CACNA1H: variants seen among roughly 807,000 people sequenced by gnomAD.
The protein encoded by CACNA1H is calcium voltage-gated channel subunit alpha1 H.
CACNA1H carries 149 observed loss-of-function variants against 192.5 expected under a neutral mutation model. The ratio of observed to expected loss-of-function variants is 0.77; its 90% CI spans 0.68 to 0.89. CACNA1H has a LOEUF of 0.89. Ranked by LOEUF, CACNA1H falls within the 40% of genes least tolerant of loss-of-function variation. The probability of loss-of-function intolerance (pLI) is 0.00; values close to 1 mark genes in which losing one functional copy is unlikely to be tolerated. For synonymous variants in CACNA1H, 2,202 were observed against 1,475.2 expected, an observed-to-expected ratio of 1.49 and a Z score of -11.29; for missense variants, 4,257 against 3,423.5, an observed-to-expected ratio of 1.24 and a Z score of -6.08.
chr16:1,195,785 G>A (rs1311585460), intron 4 of CACNA1H, 141 bp from the exon 5 acceptor site: 15 of 869,818 alleles, frequency 1.7e-5, no homozygotes, highest in Non-Finnish European at 2.5e-5. Flanking sequence ...CTGCTACCTC[G>A]GGGCCCTTCC....
chr16:1,203,754 TG>T (rs1480757543), intron 9 of CACNA1H, among the ~76,000 whole-genome samples: 1 of 152,200 alleles, frequency 6.6e-6, no homozygotes, highest in Non-Finnish European at 1.5e-5. Context: ...CATGGCTCTT[TG>T]GTTTCTTCTT....
intron 2 of CACNA1H, among the ~76,000 whole-genome samples, chr16:1,178,085 C>T (rs1224616626): frequency 9.1e-6 from 1 of 110,378 alleles, no homozygotes; most frequent in East Asian, 3.6e-4. Flanking sequence ...ACTCTCCTGC[C>T]CCCTCTCCCT....
intron 17 of CACNA1H, 39 bp downstream of exon 17, chr16:1,209,451 CGTCT>C: frequency 6.3e-7 from 1 of 1,587,650 alleles, no homozygotes; most frequent in Non-Finnish European, 8.5e-7. Context: ...GACTCGCCTT[CGTCT>C]GTCTGGGGCA....
At chr16:1,200,615 G>T in intron 7 of CACNA1H, 44 bp downstream of exon 7, 2 of 1,605,516 alleles carry the variant, frequency 1.2e-6, no homozygotes, top group Non-Finnish European at 1.7e-6. Context: ...GGCACGGCAG[G>T]GGAGCGGGTG....
In CACNA1H at chr16:1,211,465, C is replaced by A; in HGVS notation, c.4351-16C>A. ...CACAGGCCAGGCCCTCCGCGGTGAC[C>A]GTCGCACCCCGTCAGCTCTTCAAAG... is the stretch of plus-strand genomic sequence containing the variant. On this transcript the variant is annotated splice_polypyrimidine_tract_variant and intron_variant, in intron 22 of 34. Coordinates refer to ENST00000348261, the MANE Select transcript of CACNA1H (RefSeq NM_021098.3). 1 of 1,612,300 alleles carries A rather than the reference C, an allele frequency of 6.2e-7. No individual in the cohort carries two copies. The highest frequency in any genetic ancestry group is 8.5e-7 in the Non-Finnish European group (1 of 1,179,618).
chr16:1,180,527 C>T lies in CACNA1H; in HGVS notation c.300-14445C>T, dbSNP rs567109812. On this transcript the variant is annotated intron_variant, in intron 2 of 34. Transcript: ENST00000348261. The surrounding 1 kb of genome is among the most constrained non-coding windows in gnomAD (Gnocchi z 4.4). ...TCCCCATACCCCCTCCGAGGCACAGCCACAGTCTCTGGGTCCTGAGCAGGG... is the reference window on the plus strand; with the variant it reads ...TCCCCATACCCCCTCCGAGGCACAGTCACAGTCTCTGGGTCCTGAGCAGGG... Among the ~76,000 whole-genome samples the T allele has an allele frequency of 1.4e-4, 21 of 152,258 alleles. No individual in the cohort carries two copies. Among genetic ancestry groups the T allele is most frequent in the African/African-American group, 4.8e-4 (20 of 41,550 alleles).
At chr16:1,195,839 T>G (rs1435741156) in intron 4 of CACNA1H, 87 bp from the exon 5 acceptor site, 17 of 1,100,332 alleles carry the variant, frequency 1.5e-5, no homozygotes, top group Non-Finnish European at 2.4e-5. Context: ...GCCGGTTCTA[T>G]GCCTGCCCAC....
chr16:1,212,527 A>C lies in CACNA1H; in HGVS notation c.4776A>C (p.Pro1592=). The C allele has an allele frequency of 6.2e-7, 1 of 1,610,880 alleles. No individual in the cohort carries two copies. The highest frequency in any genetic ancestry group is 1.1e-5 in the South Asian group (1 of 90,716). Residue 1592 remains proline (P), a splice_region_variant and synonymous_variant, in exon 26 of 35, where the codon CCA becomes CCC. Transcript: ENST00000348261. ...ERRRRSTFPS[P]EAQRRPYYAD... ...TCTTTCCAGGCACTTTCCCCAGCCC[A>C]GGTACCGGCCCTGTCCCGCATGCCT...
rs1040840877 is a variant in CACNA1H, at chr16:1,221,346, G to T, written c.*352G>T. The stretch of plus-strand genomic sequence containing the variant: ...ACCAGGTTGCGTCCTTTCAGGCCCC[G>T]CGTTGTTACAGGACACTCGCTGGGG... On this transcript the variant is annotated 3_prime_UTR_variant, in exon 35 of 35. Coordinates refer to ENST00000348261, the MANE Select transcript of CACNA1H (RefSeq NM_021098.3). 2.9e-6 allele frequency: 1 copy of T among 344,470 alleles called. No homozygotes were observed. The highest frequency in any genetic ancestry group is 5.3e-6 in the Non-Finnish European group (1 of 190,178). The allele number at this position is 344,470 out of a possible 1,614,324, so 21.3% of individuals were successfully genotyped here.
chr16:1,178,056 G>A (rs1159917658), intron 2 of CACNA1H, among the ~76,000 whole-genome samples: 1 of 11,976 alleles, frequency 8.4e-5, no homozygotes, highest in African/African-American at 4.7e-4. Context: ...CCCCCACCCC[G>A]GAACCCCCCC....
chr16:1,215,436 G>A (rs1407130591), intron 29 of CACNA1H, 61 bp downstream of exon 29: 5 of 1,584,256 alleles, frequency 3.2e-6, no homozygotes, highest in South Asian at 1.1e-5. Flanking sequence ...CTCAGCCATG[G>A]GTGGGAGTGA....
intron 2 of CACNA1H, among the ~76,000 whole-genome samples, chr16:1,184,809 C>T (rs569067401): frequency 9.8e-5 from 15 of 152,306 alleles, no homozygotes; most frequent in East Asian, 1.9e-4. Flanking sequence ...GGGGCTCCAG[C>T]GAAGGGAAGC....
chr16:1,177,042 G>A (rs1964958340), intron 2 of CACNA1H, among the ~76,000 whole-genome samples: 2 of 152,156 alleles, frequency 1.3e-5, no homozygotes, highest in South Asian at 4.1e-4. Flanking sequence ...CTTCCCCCAG[G>A]CCCTCCGCAC....
intron 30 of CACNA1H, among the ~76,000 whole-genome samples, chr16:1,216,021 ATCC>A (rs1383000741): frequency 1.3e-5 from 2 of 150,302 alleles, no homozygotes; most frequent in Non-Finnish European, 3.0e-5. Context: ...CCCTGCCCAG[ATCC>A]TTTCTGTCCT....
At chr16:1,187,307 C>G (rs778807567) in intron 2 of CACNA1H, among the ~76,000 whole-genome samples, 1 of 152,210 alleles carries the variant, frequency 6.6e-6, no homozygotes, top group Non-Finnish European at 1.5e-5. Flanking sequence ...AGGGGTTTGC[C>G]CAGCCAGGGG....
At chr16:1,212,681 C>T (rs939432406) in intron 26 of CACNA1H, among the ~76,000 whole-genome samples, 153 bp downstream of exon 26, 6 of 152,280 alleles carry the variant, frequency 3.9e-5, no homozygotes, top group African/African-American at 7.2e-5. Context: ...TGCGCTCGCC[C>T]GCCAGTGTCC....
chr16:1,182,404 G>A (rs1965565180), intron 2 of CACNA1H, among the ~76,000 whole-genome samples: 1 of 152,196 alleles, frequency 6.6e-6, no homozygotes, highest in Admixed American at 6.5e-5. Context: ...CCAGGTGGTG[G>A]CCTGTGGTGG....
intron 26 of CACNA1H, 72 bp downstream of exon 26, chr16:1,212,600 G>A: frequency 1.9e-6 from 3 of 1,547,428 alleles, no homozygotes; most frequent in Non-Finnish European, 2.6e-6. Flanking sequence ...GGGCATCCCA[G>A]GCCTGCTGGG....
At chr16:1,169,588 C>T (rs116752798) in intron 2 of CACNA1H, among the ~76,000 whole-genome samples, 252 of 152,370 alleles carry the variant, frequency 1.7e-3, no homozygotes, top group African/African-American at 5.8e-3. Flanking sequence ...CTGTGCGGGC[C>T]GTGCTTTCGC....
Sources: allele counts gnomAD v4.1 joint callset (sites outside exome capture counted in the v4.1 genomes callset), GRCh38; gene constraint gnomAD v4.1.1; non-coding constraint Gnocchi (gnomAD v3.1); transcripts MANE v1.5; gene names NCBI Gene and HGNC (gene_info 2026-07-23, HGNC 2026-07-21).